The following USP6NL variants were observed in gnomAD, a reference collection of about 807,000 sequenced individuals.
The protein encoded by USP6NL is USP6 N-terminal-like protein.
A neutral mutation model predicts 61.9 loss-of-function variants in USP6NL; 26 were observed. That is an observed-to-expected ratio of 0.42 (90% CI 0.31 to 0.58). USP6NL has a LOEUF of 0.58. Ranked by LOEUF, USP6NL falls within the 20% of genes least tolerant of loss-of-function variation. The probability of loss-of-function intolerance (pLI) is 0.16; values close to 1 mark genes in which losing one functional copy is unlikely to be tolerated. For missense variants in USP6NL, 1,114 were observed against 1,034.3 expected (o/e 1.08, Z -1.06); for synonymous variants, 432 against 390.1 (o/e 1.11, Z -1.27).
rs78353052 is a variant in USP6NL at position 11,579,960 on chromosome 10, TG to T, written c.4+17670del. ...CAGATTACAAACCACCAGTGGAGAG[TG>T]GCGGGGGGGGGGCAGCAACGTCTAA... On this transcript the variant is annotated intron_variant, in intron 2 of 14. Transcript: ENST00000609104. 2.9e-3 allele frequency among the ~76,000 whole-genome samples: 283 copies of T among 97,774 alleles called. 2 individuals carry two copies. The highest frequency in any genetic ancestry group is 0.017 in the East Asian group (44 of 2,540). The allele number at this position is 97,774 out of a possible 152,430, so 64.1% of individuals were successfully genotyped here. A position where few individuals can be genotyped will look rare whatever the true frequency, so the allele number is the denominator to read the frequency against.
rs1008467407 is a variant in USP6NL at position 11,596,428 on chromosome 10, T to C, written c.4+1203A>G. ...CAAGGTCAGGAGATCGAGACCATCC[T>C]GACTAACACGGTGAAACCCCGTCTC... On this transcript the variant is annotated intron_variant, in intron 2 of 14. Transcript: ENST00000609104. This position sits in a 1 kb window ranked among gnomAD's most constrained non-coding sequence, Gnocchi z 4.1. Among the ~76,000 whole-genome samples the C allele has an allele frequency of 1.3e-5, 2 of 151,624 alleles. No homozygotes were observed. Among genetic ancestry groups the C allele is most frequent in the Non-Finnish European group, 2.9e-5 (2 of 67,990 alleles).
At position 11,513,791 on chromosome 10, in the gene USP6NL, G is replaced by A. The variant is rs965401356; in HGVS notation, c.196-4116C>T. Among the ~76,000 whole-genome samples the A allele has an allele frequency of 8.5e-5, 13 of 152,170 alleles. No individual in the cohort carries two copies. The highest frequency in any genetic ancestry group is 3.1e-4 in the African/African-American group (13 of 41,454). On this transcript the variant is annotated intron_variant, in intron 5 of 14. Coordinates refer to ENST00000609104, the MANE Select transcript of USP6NL (RefSeq NM_014688.5). This position sits in a 1 kb window ranked among gnomAD's most constrained non-coding sequence, Gnocchi z 4.7. The stretch of plus-strand genomic sequence containing the variant: ...CAAATTCCCCACTTGCCCCAAGACT[G>A]TTCTTTATAGCTGGTTTTTTCTGTG...
At position 11,499,160 on chromosome 10, in the gene USP6NL, C is replaced by T. The variant is rs1459412750; in HGVS notation, c.384+1941G>A. On this transcript the variant is annotated intron_variant, in intron 7 of 14. Transcript: ENST00000609104. The surrounding 1 kb of genome is among the most constrained non-coding windows in gnomAD (Gnocchi z 4.5). ...TTTTAGTCCTACTGAAGTTCCAGTT[C>T]GTGGAGGATGTGTGGAGAGAGAGAG... 1.3e-5 allele frequency among the ~76,000 whole-genome samples: 2 copies of T among 151,610 alleles called. No individual in the cohort carries two copies. The highest frequency in any genetic ancestry group is 2.9e-5 in the Non-Finnish European group (2 of 67,980).
rs1446011178 is a variant in USP6NL at position 11,510,804 on chromosome 10, G to A, written c.196-1129C>T. On this transcript the variant is annotated intron_variant, in intron 5 of 14. Transcript: ENST00000609104. The surrounding 1 kb of genome is among the most constrained non-coding windows in gnomAD (Gnocchi z 4.8). ...GAGGAAACAGGCACAAAGGGCTTAA[G>A]GGACTTGTCCCAAGTCACCCCTCTC... Among the ~76,000 whole-genome samples, 2 of 152,214 alleles carry A rather than the reference G, an allele frequency of 1.3e-5. No homozygotes were observed. The highest frequency in any genetic ancestry group is 4.8e-5 in the African/African-American group (2 of 41,454).
chr10:11,486,976 T>G (rs1194402926), intron 10 of USP6NL, among the ~76,000 whole-genome samples: 1 of 152,046 alleles, frequency 6.6e-6, no homozygotes, highest in African/African-American at 2.4e-5. Context: ...TTTTCTAGGG[T>G]GTGTGTAAAA....
chr10:11,598,173 A>G lies in USP6NL; in HGVS notation c.-83-456T>C, dbSNP rs1838391466. 6.6e-6 allele frequency among the ~76,000 whole-genome samples: 1 copy of G among 152,224 alleles called. No homozygotes were observed. Among genetic ancestry groups the G allele is most frequent in the South Asian group, 2.1e-4 (1 of 4,830 alleles). ...TTATTGCTATAGACTTTCTCTAGCAATGAATATTTTCTTCATTATAAAAGT... is the reference window on the plus strand; with the variant it reads ...TTATTGCTATAGACTTTCTCTAGCAGTGAATATTTTCTTCATTATAAAAGT... On this transcript the variant is annotated intron_variant, in intron 1 of 14. Transcript: ENST00000609104. This position sits in a 1 kb window ranked among gnomAD's most constrained non-coding sequence, Gnocchi z 4.7.
intron 2 of USP6NL, among the ~76,000 whole-genome samples, chr10:11,555,471 A>AGAGAAAG (rs1566178235): frequency 0.013 from 780 of 60,874 alleles, 5 homozygotes; most frequent in East Asian, 0.032. Context: ...GAGAGAGAGA[A>AGAGAAAG]AGAGAGAGAG....
rs1838171126 is a variant in USP6NL, at chr10:11,592,020, C to A, written c.4+5611G>T. Among the ~76,000 whole-genome samples, 1 of 152,128 alleles carries A rather than the reference C, an allele frequency of 6.6e-6. No individual in the cohort carries two copies. Among genetic ancestry groups the A allele is most frequent in the African/African-American group, 2.4e-5 (1 of 41,414 alleles). ...GAGTAGCTGAAATTACCGGCACCCA[C>A]CACCATGCCCAGCTAATTTTTTAGT... is the stretch of plus-strand genomic sequence containing the variant. On this transcript the variant is annotated intron_variant, in intron 2 of 14. Transcript: ENST00000609104. This position sits in a 1 kb window ranked among gnomAD's most constrained non-coding sequence, Gnocchi z 4.7.
rs1382645970 is a variant in USP6NL, at chr10:11,487,964, TG to T, written c.664+1137del. ...ACAAAGCTTATTCACAAACTGAACT[TG>T]GAAGATCCATTCTTAGAATAACTAG... On this transcript the variant is annotated intron_variant, in intron 10 of 14. Transcript: ENST00000609104. This position sits in a 1 kb window ranked among gnomAD's most constrained non-coding sequence, Gnocchi z 4.2. Among the ~76,000 whole-genome samples, 6 of 152,236 alleles carry T rather than the reference TG, an allele frequency of 3.9e-5. No individual in the cohort carries two copies. Among genetic ancestry groups the T allele is most frequent in the Non-Finnish European group, 7.3e-5 (5 of 68,038 alleles).
At chr10:11,534,366 C>T (rs1172407230) in intron 2 of USP6NL, among the ~76,000 whole-genome samples, 1 of 152,164 alleles carries the variant, frequency 6.6e-6, no homozygotes, top group African/African-American at 2.4e-5. Flanking sequence ...AATTCTTTTA[C>T]ACAAAATAAG....
rs1671326978 is a variant in USP6NL, at chr10:11,548,415, T to C, written c.5-20848A>G. 1.3e-5 allele frequency among the ~76,000 whole-genome samples: 2 copies of C among 152,238 alleles called. No individual in the cohort carries two copies. The highest frequency in any genetic ancestry group is 4.8e-5 in the African/African-American group (2 of 41,468). Reference sequence around the variant, plus strand: ...ATACTTAATTAAAATATCTCAGACCTCTCTTAGAAGCTTTCTCAATCTCAA... The same window carrying C: ...ATACTTAATTAAAATATCTCAGACCCCTCTTAGAAGCTTTCTCAATCTCAA... On this transcript the variant is annotated intron_variant, in intron 2 of 14. Coordinates refer to ENST00000609104, the MANE Select transcript of USP6NL (RefSeq NM_014688.5). The surrounding 1 kb of genome is among the most constrained non-coding windows in gnomAD (Gnocchi z 4.3).
intron 10 of USP6NL, among the ~76,000 whole-genome samples, chr10:11,488,734 A>G (rs11257126): frequency 0.22 from 33,074 of 152,146 alleles, 4,194 homozygotes; most frequent in East Asian, 0.59. Context: ...ACATTTCACT[A>G]AAATGATAAT....
chr10:11,568,437 C>T (rs1254785287), intron 2 of USP6NL, among the ~76,000 whole-genome samples: 2 of 152,160 alleles, frequency 1.3e-5, no homozygotes, highest in Non-Finnish European at 2.9e-5. Context: ...AAATCAATAT[C>T]CCTCTCACCA....
At chr10:11,539,088 T>C (rs1835948523) in intron 2 of USP6NL, among the ~76,000 whole-genome samples, 1 of 152,178 alleles carries the variant, frequency 6.6e-6, no homozygotes, top group South Asian at 2.1e-4. Context: ...GTGGGGTCAA[T>C]GGTCTGAAAG....
chr10:11,504,658 G>A (rs1834358870), intron 6 of USP6NL, among the ~76,000 whole-genome samples: 1 of 152,236 alleles, frequency 6.6e-6, no homozygotes, highest in Non-Finnish European at 1.5e-5. Context: ...ATGATAACTT[G>A]TAATGAATGC....
chr10:11,606,321 A>G (rs1838705721), intron 1 of USP6NL, among the ~76,000 whole-genome samples: 2 of 152,240 alleles, frequency 1.3e-5, no homozygotes, highest in African/African-American at 4.8e-5. Context: ...AAACTTGTCA[A>G]TATTACATCC....
rs116360999 is a variant in USP6NL, at chr10:11,575,781, T to A, written c.4+21850A>T. ...CATACTCTGATGTATGTAACTGAGC[T>A]GAACTCTTTAAAATGCCAAAGTCAT... On this transcript the variant is annotated intron_variant, in intron 2 of 14. Transcript: ENST00000609104. This position sits in a 1 kb window ranked among gnomAD's most constrained non-coding sequence, Gnocchi z 4.2. Among the ~76,000 whole-genome samples the A allele has an allele frequency of 0.014, 2,113 of 152,320 alleles. 51 individuals carry two copies. Among genetic ancestry groups the A allele is most frequent in the African/African-American group, 0.047 (1,954 of 41,562 alleles).
At chr10:11,498,702 A>T (rs1834049810) in intron 7 of USP6NL, among the ~76,000 whole-genome samples, 1 of 152,104 alleles carries the variant, frequency 6.6e-6, no homozygotes, top group South Asian at 2.1e-4. Context: ...TTCAAGTTAA[A>T]ACTAATCAGA....
intron 14 of USP6NL, among the ~76,000 whole-genome samples, chr10:11,475,596 C>CAAAAAAAAAAA (rs35589300): frequency 7.7e-5 from 3 of 38,724 alleles, no homozygotes; most frequent in Non-Finnish European, 1.4e-4. Context: ...AACTCTGTCG[C>CAAAAAAAAAAA]AAAAAAAAAA....
Sources: allele counts gnomAD v4.1 joint callset (sites outside exome capture counted in the v4.1 genomes callset), GRCh38; gene constraint gnomAD v4.1.1; non-coding constraint Gnocchi (gnomAD v3.1); transcripts MANE v1.5; gene names NCBI Gene and HGNC (gene_info 2026-07-23, HGNC 2026-07-21).